PPP1R9A: variants seen among roughly 807,000 people sequenced by gnomAD.
The protein encoded by PPP1R9A is protein phosphatase 1 regulatory subunit 9A, also known as neurabin-1.
A neutral mutation model predicts 141.9 loss-of-function variants in PPP1R9A; 59 were observed. The ratio of observed to expected loss-of-function variants is 0.42; its 90% confidence interval spans 0.34 to 0.52. The LOEUF (loss-of-function observed/expected upper bound fraction) is 0.52. Among genes scored for constraint, PPP1R9A ranks in the 20% least tolerant of loss-of-function variants. The pLI, the probability that PPP1R9A is intolerant of heterozygous loss-of-function variation, is 0.10. For missense variants in PPP1R9A, 1,444 were observed against 1,611.9 expected (o/e 0.90, Z 1.78); for synonymous variants, 500 against 569.7 (o/e 0.88, Z 1.74).
intron 4 of PPP1R9A, among the ~76,000 whole-genome samples, chr7:95,146,875 T>C (rs1029114282): frequency 6.6e-6 from 1 of 152,224 alleles, no homozygotes; most frequent in African/African-American, 2.4e-5. Context: ...TTGGTACCAG[T>C]ATCTTGCTGT....
chr7:95,272,073 C>G (rs1802270001), intron 14 of PPP1R9A, among the ~76,000 whole-genome samples: 1 of 152,186 alleles, frequency 6.6e-6, no homozygotes, highest in Admixed American at 6.5e-5. Context: ...GCACCAAGCT[C>G]TGTGATAGGC....
chr7:95,290,210 G>A lies in PPP1R9A; in HGVS notation c.4032G>A (p.Lys1344=), dbSNP rs142958709. ...AGAAAATGGAAAAACAAAGAGAAAA[G>A]CTAAGGAGAAAGGAGCAAGAGCAAA... ...AQEKMEKQRE[K]LRRKEQEQMQ... The change falls in exon 20 of 20, where the codon AAG becomes AAA. Residue 1344 remains lysine, a synonymous_variant. Coordinates refer to ENST00000433360, the MANE Select transcript of PPP1R9A (RefSeq NM_001166160.2). 6.2e-6 allele frequency: 10 copies of A among 1,613,452 alleles called. No individual in the cohort carries two copies. Among genetic ancestry groups the A allele is most frequent in the Non-Finnish European group, 8.5e-6 (10 of 1,179,778 alleles).
intron 16 of PPP1R9A, among the ~76,000 whole-genome samples, chr7:95,276,102 A>ATC (rs1803140542): frequency 6.6e-6 from 1 of 152,206 alleles, no homozygotes; most frequent in Non-Finnish European, 1.5e-5. Context: ...TTTAGGGGAG[A>ATC]AAGAGATGCA....
chr7:94,923,707 C>T (rs1192597734), intron 2 of PPP1R9A, among the ~76,000 whole-genome samples: 3 of 152,148 alleles, frequency 2.0e-5, no homozygotes, highest in African/African-American at 7.2e-5. Context: ...GGGTCAGTTC[C>T]TCTCATCTAT....
At chr7:95,261,681 CTT>C (rs935052884) in intron 12 of PPP1R9A, among the ~76,000 whole-genome samples, 1 of 152,086 alleles carries the variant, frequency 6.6e-6, no homozygotes, top group Non-Finnish European at 1.5e-5. Context: ...TATTTACAAA[CTT>C]TATTACAAAC....
intron 2 of PPP1R9A, among the ~76,000 whole-genome samples, chr7:94,957,653 A>G (rs112987393): frequency 0.026 from 3,993 of 152,130 alleles, 170 homozygotes; most frequent in African/African-American, 0.091. Flanking sequence ...ATCTTTTAAC[A>G]AAAGAAAGAA....
intron 7 of PPP1R9A, among the ~76,000 whole-genome samples, chr7:95,207,200 A>T (rs1231534599): frequency 2.0e-5 from 3 of 152,124 alleles, no homozygotes; most frequent in Non-Finnish European, 4.4e-5. Context: ...AAAACAGCAG[A>T]AAATAGAAGA....
At chr7:95,247,072 A>G (rs1798218634) in intron 8 of PPP1R9A, among the ~76,000 whole-genome samples, 1 of 152,176 alleles carries the variant, frequency 6.6e-6, no homozygotes, top group South Asian at 2.1e-4. Context: ...TTTGGAATAA[A>G]TCTTCACACG....
chr7:94,999,344 C>T (rs1223497298), intron 2 of PPP1R9A, among the ~76,000 whole-genome samples: 1 of 152,088 alleles, frequency 6.6e-6, no homozygotes, highest in Non-Finnish European at 1.5e-5. Flanking sequence ...ACTGCTTCAT[C>T]AGTATGGCCT....
chr7:95,255,580 A>T (rs1166402389), intron 12 of PPP1R9A, among the ~76,000 whole-genome samples: 1 of 152,126 alleles, frequency 6.6e-6, no homozygotes, highest in African/African-American at 2.4e-5. Context: ...ACTAGGCAGA[A>T]AGAAAGTACT....
intron 12 of PPP1R9A, among the ~76,000 whole-genome samples, chr7:95,262,779 G>A (rs73223919): frequency 0.13 from 19,414 of 152,144 alleles, 1,377 homozygotes; most frequent in African/African-American, 0.17. Context: ...CTGAAAAAGG[G>A]ATTTCTTAAT....
At chr7:95,143,762 A>G (rs1385929640) in intron 4 of PPP1R9A, among the ~76,000 whole-genome samples, 1 of 152,140 alleles carries the variant, frequency 6.6e-6, no homozygotes, top group Non-Finnish European at 1.5e-5. Flanking sequence ...AGTATAATAG[A>G]CGCAGGTCTG....
chr7:95,185,009 A>G lies in PPP1R9A; in HGVS notation c.1755-13340A>G, dbSNP rs78706775. 9.4e-3 allele frequency among the ~76,000 whole-genome samples: 1,380 copies of G among 146,332 alleles called. 19 individuals carry two copies. Among genetic ancestry groups the G allele is most frequent in the African/African-American group, 0.031 (1,239 of 39,364 alleles). On this transcript the variant is annotated intron_variant, in intron 5 of 19. Transcript: ENST00000433360. Reference sequence around the variant, plus strand: ...TGGTAGTTAAATTGCTAGGTCAAATAGTAGTTCTACTTTTAAGTTTTTTTT... The same window carrying G: ...TGGTAGTTAAATTGCTAGGTCAAATGGTAGTTCTACTTTTAAGTTTTTTTT...
rs776498474 is a variant in PPP1R9A at position 95,251,864 on chromosome 7, T to C, written c.2493+6T>C. ...TGCAAGGCCTCCAAGTGCGGGTAAG[T>C]TGTGTTCCCTAAGACACTAAATAAT... On this transcript the variant is annotated splice_donor_region_variant and intron_variant, in intron 11 of 19. Transcript: ENST00000433360. 2.5e-6 allele frequency: 4 copies of C among 1,613,790 alleles called. No individual in the cohort carries two copies. Among genetic ancestry groups the C allele is most frequent in the South Asian group, 1.1e-5 (1 of 91,068 alleles).
intron 8 of PPP1R9A, among the ~76,000 whole-genome samples, chr7:95,236,120 T>C (rs924556245): frequency 1.3e-5 from 2 of 152,140 alleles, no homozygotes; most frequent in Non-Finnish European, 2.9e-5. Context: ...ACACCACCTG[T>C]TCCCCAAAAA....
chr7:95,096,202 T>C (rs568924318), intron 2 of PPP1R9A, among the ~76,000 whole-genome samples: 2 of 152,166 alleles, frequency 1.3e-5, no homozygotes, highest in Non-Finnish European at 2.9e-5. Context: ...TTTTACATAA[T>C]TTCACCCTAA....
At chr7:95,128,300 C>T (rs1016040969) in intron 4 of PPP1R9A, among the ~76,000 whole-genome samples, 7 of 152,158 alleles carry the variant, frequency 4.6e-5, no homozygotes, top group African/African-American at 1.4e-4. Context: ...TTGTTGGCTG[C>T]TTGTATGCCC....
At position 95,195,308 on chromosome 7, in the gene PPP1R9A, T is replaced by C. The variant is rs548787029; in HGVS notation, c.1755-3041T>C. ...TTTTTTTTTTTTTCTTGAGACAGGGTCTTGCTTTGTCACCCAGTCTGGAGG... is the reference window on the plus strand; with the variant it reads ...TTTTTTTTTTTTTCTTGAGACAGGGCCTTGCTTTGTCACCCAGTCTGGAGG... On this transcript the variant is annotated intron_variant, in intron 5 of 19. Coordinates refer to ENST00000433360, the MANE Select transcript of PPP1R9A (RefSeq NM_001166160.2). Among the ~76,000 whole-genome samples the C allele has an allele frequency of 3.2e-3, 460 of 143,176 alleles. 6 individuals carry two copies. Among genetic ancestry groups the C allele is most frequent in the African/African-American group, 0.011 (438 of 38,600 alleles). The allele number at this position is 143,176 out of a possible 152,430, so 93.9% of individuals were successfully genotyped here. A position where few individuals can be genotyped will look rare whatever the true frequency, so the allele number is the denominator to read the frequency against.
intron 2 of PPP1R9A, among the ~76,000 whole-genome samples, chr7:94,949,801 C>T (rs1796266955): frequency 6.6e-6 from 1 of 151,900 alleles, no homozygotes; most frequent in Non-Finnish European, 1.5e-5. Flanking sequence ...TTGCTCCTTT[C>T]CACTGAGTGC....
Sources: allele counts gnomAD v4.1 joint callset (sites outside exome capture counted in the v4.1 genomes callset), GRCh38; gene constraint gnomAD v4.1.1; transcripts MANE v1.5; gene names NCBI Gene and HGNC (gene_info 2026-07-23, HGNC 2026-07-21).